Variants in NANOG observed in about 807,000 individuals in gnomAD.
NANOG encodes Nanog homeobox, also known as homeobox protein NANOG.
A neutral mutation model predicts 17.7 loss-of-function variants in NANOG; 2 were observed. The observed-to-expected ratio is 0.11, with a 90% CI of 0.05 to 0.36. The LOEUF is 0.36. Ranked by LOEUF, NANOG falls within the 10% of genes least tolerant of loss-of-function variation. The pLI, the probability that NANOG is intolerant of heterozygous loss-of-function variation, is 1.00. For synonymous variants in NANOG, 81 were observed against 124.7 expected, an observed-to-expected ratio of 0.65 and a Z score of 2.33; for missense variants, 174 against 362.1, an observed-to-expected ratio of 0.48 and a Z score of 4.22.
In NANOG at chr12:7,790,842, C is replaced by G. The variant is rs771404603; in HGVS notation, c.151+1077C>G. Among the ~76,000 whole-genome samples, 389 of 152,232 alleles carry G rather than the reference C, an allele frequency of 2.6e-3. 3 individuals carry two copies. Among genetic ancestry groups the G allele is most frequent in the African/African-American group, 9.1e-3 (377 of 41,564 alleles). On this transcript the variant is annotated intron_variant, in intron 1 of 3. Coordinates refer to ENST00000229307, the MANE Select transcript of NANOG (RefSeq NM_024865.4). ...ATCACCGCAGCCTCAACCCTGAGATCAAGTGATCCTCTTGCCTCAGCCTCC... is the reference window on the plus strand; with the variant it reads ...ATCACCGCAGCCTCAACCCTGAGATGAAGTGATCCTCTTGCCTCAGCCTCC...
chr12:7,792,121 T>C (rs1862849445), intron 1 of NANOG, among the ~76,000 whole-genome samples: 1 of 152,108 alleles, frequency 6.6e-6, no homozygotes, highest in South Asian at 2.1e-4. Flanking sequence ...TTTTGAACTC[T>C]TGACCTCAAG....
intron 1 of NANOG, among the ~76,000 whole-genome samples, chr12:7,792,613 G>A (rs1044386926): frequency 5.9e-5 from 9 of 152,034 alleles, no homozygotes; most frequent in Admixed American, 2.0e-4. Flanking sequence ...GCAGTGAGCC[G>A]AGATTGCACC....
At position 7,797,472 on chromosome 12, in the gene NANOG, C is replaced by T. The variant is rs1020073217; in HGVS notation, c.*2377C>T. 2 of 150,808 alleles carry T rather than the reference C, an allele frequency of 1.3e-5. No individual in the cohort carries two copies. Among genetic ancestry groups the T allele is most frequent in the African/African-American group, 4.9e-5 (2 of 41,036 alleles). The allele number at this position is 150,808 out of a possible 1,614,324, so 9.3% of individuals were successfully genotyped here. A position where few individuals can be genotyped will look rare whatever the true frequency, so the allele number is the denominator to read the frequency against. On this transcript the variant is annotated 3_prime_UTR_variant, in exon 4 of 4. Transcript: ENST00000229307. ...TCCCAGGTTCAAGTGATTCTCTTGC[C>T]TCAGCCTTTCGAGTGGCTGGTATTA...
rs966784231 is a variant in NANOG, at chr12:7,798,452, A to G, written c.*3357A>G. 5 of 152,120 alleles carry G rather than the reference A, an allele frequency of 3.3e-5. No homozygotes were observed. Among genetic ancestry groups the G allele is most frequent in the Admixed American group, 2.6e-4 (4 of 15,256 alleles). 9.4% of individuals were successfully genotyped at this position (152,120 alleles called of 1,614,324 possible). A position where few individuals can be genotyped will look rare whatever the true frequency, so the allele number is the denominator to read the frequency against. ...TAACATTTCTTCCTTTCTCTAGAAA[A>G]TTTTCCTTTCTTTTCCCAAAAGGAG... On this transcript the variant is annotated 3_prime_UTR_variant, in exon 4 of 4. Coordinates refer to ENST00000229307, the MANE Select transcript of NANOG (RefSeq NM_024865.4).
chr12:7,789,806 G>A, intron 1 of NANOG, 41 bp downstream of exon 1: 1 of 1,597,928 alleles, frequency 6.3e-7, no homozygotes. Flanking sequence ...AGTTCCTTAA[G>A]GGAAAAGAGA....
chr12:7,794,261 ACG>A (rs1261490237), intron 2 of NANOG, among the ~76,000 whole-genome samples, 194 bp from the exon 3 acceptor site: 2 of 151,994 alleles, frequency 1.3e-5, no homozygotes, highest in African/African-American at 2.4e-5. Flanking sequence ...TTTTGTAGAC[ACG>A]GTGTTTCCTC....
Position 7,798,090 on chromosome 12 carries a change from T to G in NANOG, c.*2995T>G, listed in dbSNP as rs1862954147. ...TAACTACAGTCAAAAGCAGTAAGATTAGTGGGCCAGGTGCCGTGGCTCACA... is the reference window on the plus strand; with the variant it reads ...TAACTACAGTCAAAAGCAGTAAGATGAGTGGGCCAGGTGCCGTGGCTCACA... On this transcript the variant is annotated 3_prime_UTR_variant, in exon 4 of 4. Transcript: ENST00000229307. 6.6e-6 allele frequency: 1 copy of G among 152,112 alleles called. No individual in the cohort carries two copies. 9.4% of individuals were successfully genotyped at this position (152,112 alleles called of 1,614,324 possible). A position where few individuals can be genotyped will look rare whatever the true frequency, so the allele number is the denominator to read the frequency against.
intron 1 of NANOG, 71 bp from the exon 2 acceptor site, chr12:7,792,879 A>G (rs1862860913): frequency 6.8e-7 from 1 of 1,463,582 alleles, no homozygotes; most frequent in Non-Finnish European, 9.2e-7. Context: ...CTTTGAAAAC[A>G]ATTTTTTTAA....
In NANOG at chr12:7,798,381, A is replaced by G. The variant is rs1366930061; in HGVS notation, c.*3286A>G. ...GCGTCACTGTCTCAAAAATAAACAA[A>G]AATAATAGGAGATTAGGCAAAAAGG... On this transcript the variant is annotated 3_prime_UTR_variant, in exon 4 of 4. Coordinates refer to ENST00000229307, the MANE Select transcript of NANOG (RefSeq NM_024865.4). The G allele has an allele frequency of 6.6e-6, 1 of 152,138 alleles. No homozygotes were observed. Among genetic ancestry groups the G allele is most frequent in the African/African-American group, 2.4e-5 (1 of 41,420 alleles). 9.4% of individuals were successfully genotyped at this position (152,138 alleles called of 1,614,324 possible). A position where few individuals can be genotyped will look rare whatever the true frequency, so the allele number is the denominator to read the frequency against.
chr12:7,789,873 TAAAG>T, intron 1 of NANOG, 108 bp downstream of exon 1: 1 of 1,186,996 alleles, frequency 8.4e-7, no homozygotes, highest in Non-Finnish European at 1.2e-6. Flanking sequence ...ACCATTACTA[TAAAG>T]AAGTGTTATT....
At chr12:7,790,641 TAA>T (rs1862826778) in intron 1 of NANOG, among the ~76,000 whole-genome samples, 1 of 152,194 alleles carries the variant, frequency 6.6e-6, no homozygotes, top group Non-Finnish European at 1.5e-5. Flanking sequence ...TAAAATAGCT[TAA>T]AAAGCGCATT....
rs756775376 is a variant in NANOG at position 7,793,662 on chromosome 12, C to T, written c.414+450C>T. On this transcript the variant is annotated intron_variant, in intron 2 of 3. Transcript: ENST00000229307. ...TTATTACTTGTTGGCCATTTTCCTT[C>T]ATTAATTGGCTTATCCTCTTCTAGG... Among the ~76,000 whole-genome samples, 7 of 152,228 alleles carry T rather than the reference C, an allele frequency of 4.6e-5. 1 individual carries two copies. In the East Asian group the frequency reaches 1.4e-3, roughly 29 times the overall value.
chr12:7,791,653 C>A (rs1022135926), intron 1 of NANOG, among the ~76,000 whole-genome samples: 3 of 152,110 alleles, frequency 2.0e-5, no homozygotes, highest in Non-Finnish European at 2.9e-5. Context: ...ACTGGGAAAA[C>A]CGCAGAGCAA....
At chr12:7,792,516 T>A (rs1376693079) in intron 1 of NANOG, among the ~76,000 whole-genome samples, 2 of 151,996 alleles carry the variant, frequency 1.3e-5, no homozygotes, top group African/African-American at 4.8e-5. Flanking sequence ...AATACAAAAT[T>A]AGCCAGGCGT....
Position 7,792,946 on chromosome 12 carries a change from A to G in NANOG, c.152-4A>G, listed in dbSNP as rs777265475. On this transcript the variant is annotated splice_polypyrimidine_tract_variant and splice_region_variant and intron_variant, in intron 1 of 3. Transcript: ENST00000229307. The stretch of plus-strand genomic sequence containing the variant: ...AAAAGTGTCCTTTTATTTGTTCCCA[A>G]CAGTCTCTCCTCTTCCTTCCTCCAT... 16 of 1,598,366 alleles carry G rather than the reference A, an allele frequency of 1.0e-5. 1 individual carries two copies. The South Asian group carries it at 1.5e-4, about 15-fold the overall frequency.
rs765136310 is a variant in NANOG, at chr12:7,790,591, C to T, written c.151+826C>T. 2.0e-5 allele frequency among the ~76,000 whole-genome samples: 3 copies of T among 152,172 alleles called. No individual in the cohort carries two copies. In the South Asian group the frequency reaches 6.2e-4, roughly 32 times the overall value. The stretch of plus-strand genomic sequence containing the variant: ...TAGTTTTCAAAAACTTGAGAATGAA[C>T]CAACTTTACCAAGAATGCCATTGGT... On this transcript the variant is annotated intron_variant, in intron 1 of 3. Coordinates refer to ENST00000229307, the MANE Select transcript of NANOG (RefSeq NM_024865.4).
At chr12:7,790,547 T>C (rs967023236) in intron 1 of NANOG, among the ~76,000 whole-genome samples, 4 of 152,202 alleles carry the variant, frequency 2.6e-5, no homozygotes, top group African/African-American at 7.2e-5. Context: ...TACCACTTTT[T>C]TGAAAATCAA....
rs376519816 is a variant in NANOG, at chr12:7,794,453, G to A, written c.415-4G>A. On this transcript the variant is annotated splice_polypyrimidine_tract_variant and splice_region_variant and intron_variant, in intron 2 of 3. Transcript: ENST00000229307. ...TTTACAATTTCTATCATTTTTTCCT[G>A]CAGGTGAAGACCTGGTTCCAGAACC... 3 of 1,608,796 alleles carry A rather than the reference G, an allele frequency of 1.9e-6. No homozygotes were observed. The highest frequency in any genetic ancestry group is 2.5e-6 in the Non-Finnish European group (3 of 1,177,220).
chr12:7,794,546 A>G lies in NANOG; in HGVS notation c.501+3A>G, dbSNP rs767021822. ...AGAATAGCAATGGTGTGACGCAGGT[A>G]ACAGGAAACTTCATTCTGTTCTTTC... On this transcript the variant is annotated splice_donor_region_variant and intron_variant, in intron 3 of 3. Coordinates refer to ENST00000229307, the MANE Select transcript of NANOG (RefSeq NM_024865.4). 6.2e-6 allele frequency: 10 copies of G among 1,613,022 alleles called. No homozygotes were observed.
Sources: gnomAD v4.1 joint callset for allele counts (sites outside exome capture counted in the v4.1 genomes callset) on GRCh38, gnomAD v4.1.1 for gene constraint, MANE v1.5 for transcripts, NCBI Gene and HGNC (gene_info 2026-07-23, HGNC 2026-07-21) for gene names.